Variants in DOCK5 observed in about 807,000 individuals in gnomAD.
The protein encoded by DOCK5 is dedicator of cytokinesis 5, also known as dedicator of cytokinesis protein 5.
DOCK5 carries 142 observed loss-of-function variants against 251.8 expected under a neutral mutation model. The observed-to-expected ratio is 0.56, with a 90% CI of 0.49 to 0.65. DOCK5 has a LOEUF of 0.65. Among genes scored for constraint, DOCK5 ranks in the 30% least tolerant of loss-of-function variants. The probability of loss-of-function intolerance (pLI) is 0.00; values close to 1 mark genes in which losing one functional copy is unlikely to be tolerated. For synonymous variants in DOCK5, 842 were observed against 835.5 expected, an observed-to-expected ratio of 1.01 and a Z score of -0.13; for missense variants, 2,111 against 2,312.3, an observed-to-expected ratio of 0.91 and a Z score of 1.79.
intron 27 of DOCK5, among the ~76,000 whole-genome samples, chr8:25,354,020 T>A (rs962110334): frequency 1.8e-5 from 2 of 109,490 alleles, no homozygotes; most frequent in Non-Finnish European, 3.4e-5. Flanking sequence ...AGAGTGAGAC[T>A]TTGTCTTAAA....
At chr8:25,355,969 G>C (rs1159473963) in intron 27 of DOCK5, among the ~76,000 whole-genome samples, 2 of 149,952 alleles carry the variant, frequency 1.3e-5, no homozygotes, top group Non-Finnish European at 1.5e-5. Context: ...GAGGCGGGCA[G>C]ATCATGAGGT....
rs1802124637 is a variant in DOCK5 at position 25,211,869 on chromosome 8, A to G, written c.43+26918A>G. Among the ~76,000 whole-genome samples the G allele has an allele frequency of 3.0e-5, 2 of 67,350 alleles. 1 individual carries two copies. Among genetic ancestry groups the G allele is most frequent in the African/African-American group, 6.7e-5 (2 of 29,748 alleles). The allele number at this position is 67,350 out of a possible 152,430, so 44.2% of individuals were successfully genotyped here. Reference sequence around the variant, plus strand: ...AGTTTATCATGCAGATTTTTTAGAAATACAGCTTCCGCCGGGCACGGTGGC... The same window carrying G: ...AGTTTATCATGCAGATTTTTTAGAAGTACAGCTTCCGCCGGGCACGGTGGC... On this transcript the variant is annotated intron_variant, in intron 1 of 51. Transcript: ENST00000276440.
At position 25,312,476 on chromosome 8, in the gene DOCK5, A is replaced by C. The variant is rs77027541; in HGVS notation, c.1318+1944A>C. 1.5e-3 allele frequency among the ~76,000 whole-genome samples: 234 copies of C among 152,232 alleles called. 6 individuals are homozygous for C. In the East Asian group the frequency reaches 0.033, roughly 21 times the overall value. Reference sequence around the variant, plus strand: ...TACATTGGTTTTAAAATTCATCTAGAATACGGCCAGGCCAGATGGCTCACA... The same window carrying C: ...TACATTGGTTTTAAAATTCATCTAGCATACGGCCAGGCCAGATGGCTCACA... On this transcript the variant is annotated intron_variant, in intron 13 of 51. Transcript: ENST00000276440.
intron 38 of DOCK5, among the ~76,000 whole-genome samples, chr8:25,379,989 A>G (rs1034100479): frequency 7.9e-5 from 12 of 152,212 alleles, no homozygotes; most frequent in African/African-American, 2.6e-4. Context: ...CTTCCTCTCT[A>G]CTTTGAAGTG....
chr8:25,245,533 G>A (rs528465136), intron 2 of DOCK5, among the ~76,000 whole-genome samples: 24 of 150,068 alleles, frequency 1.6e-4, no homozygotes, highest in Admixed American at 9.3e-4. Context: ...ATTATTGGGT[G>A]CAAAGTTCTT....
At chr8:25,300,183 G>C (rs1804726507) in intron 8 of DOCK5, among the ~76,000 whole-genome samples, 1 of 152,248 alleles carries the variant, frequency 6.6e-6, no homozygotes, top group Non-Finnish European at 1.5e-5. Flanking sequence ...TGGGATTACA[G>C]GCGTGAGCCA....
chr8:25,386,019 T>G (rs1255102174), intron 40 of DOCK5, among the ~76,000 whole-genome samples: 2 of 151,664 alleles, frequency 1.3e-5, no homozygotes, highest in African/African-American at 4.8e-5. Flanking sequence ...TACAAGAGGG[T>G]GTATAGGAGA....
intron 2 of DOCK5, among the ~76,000 whole-genome samples, chr8:25,267,977 C>G (rs1157953286): frequency 6.6e-6 from 1 of 152,020 alleles, no homozygotes; most frequent in Non-Finnish European, 1.5e-5. Context: ...ATTCTCCTGC[C>G]TCAGCCTCCT....
intron 1 of DOCK5, among the ~76,000 whole-genome samples, chr8:25,194,666 C>T (rs1357955653): frequency 1.3e-5 from 2 of 152,106 alleles, no homozygotes; most frequent in African/African-American, 4.8e-5. Context: ...GGGCGTCTCC[C>T]AGTGTTTTTC....
At chr8:25,255,187 G>A (rs940285306) in intron 2 of DOCK5, among the ~76,000 whole-genome samples, 5 of 152,178 alleles carry the variant, frequency 3.3e-5, no homozygotes, top group African/African-American at 1.2e-4. Context: ...ACACAATGCA[G>A]CAATTTCTGT....
rs1048007954 is a variant in DOCK5 at position 25,212,170 on chromosome 8, A to C, written c.43+27219A>C. Among the ~76,000 whole-genome samples, 10 of 69,942 alleles carry C rather than the reference A, an allele frequency of 1.4e-4. 3 individuals carry two copies. Among genetic ancestry groups the C allele is most frequent in the African/African-American group, 3.2e-4 (10 of 30,996 alleles). 45.9% of individuals were successfully genotyped at this position (69,942 alleles called of 152,430 possible). On this transcript the variant is annotated intron_variant, in intron 1 of 51. Transcript: ENST00000276440. ...AGCGAGACTCCGTCTCAAAAAAAAA[A>C]AAAAAAGACAGCTTCCATGTAAAGA...
chr8:25,283,144 G>C (rs1190517654), intron 5 of DOCK5, among the ~76,000 whole-genome samples: 1 of 152,160 alleles, frequency 6.6e-6, no homozygotes, highest in African/African-American at 2.4e-5. Flanking sequence ...TTAAAGGGGA[G>C]GGGAGTATGT....
intron 1 of DOCK5, among the ~76,000 whole-genome samples, chr8:25,218,114 G>A (rs1802295264): frequency 6.6e-6 from 1 of 152,208 alleles, no homozygotes; most frequent in African/African-American, 2.4e-5. Flanking sequence ...TGAACAAACA[G>A]AGCCTGGGAA....
chr8:25,245,145 C>T (rs1249671189), intron 2 of DOCK5, among the ~76,000 whole-genome samples: 2 of 152,038 alleles, frequency 1.3e-5, no homozygotes, highest in Admixed American at 1.3e-4. Context: ...CAAGCTCCAC[C>T]TTCCGGGTTC....
In DOCK5 at chr8:25,340,958, C is replaced by CA. The variant is rs1475155784; in HGVS notation, c.2410dup (p.Arg804LysfsTer19). The CA allele has an allele frequency of 3.1e-6, 5 of 1,613,028 alleles. No individual in the cohort carries two copies. The highest frequency in any genetic ancestry group is 4.2e-6 in the Non-Finnish European group (5 of 1,179,524). ...TTCTTGCTTTCAATATGCTGATGGA[C>CA]AGGCCTCTGGAGGAAGCCGTCAAGA... On this transcript the variant is annotated frameshift_variant, in exon 23 of 52. Coordinates refer to ENST00000276440, the MANE Select transcript of DOCK5 (RefSeq NM_024940.8). LOFTEE classifies it high-confidence loss of function.
intron 18 of DOCK5, 113 bp from the exon 19 acceptor site, chr8:25,332,138 T>C: frequency 1.6e-6 from 1 of 644,534 alleles, no homozygotes; most frequent in Non-Finnish European, 2.6e-6. Flanking sequence ...TAAGGCATCT[T>C]GAATTAGCCA....
chr8:25,397,119 G>C (rs1281969660), intron 45 of DOCK5, among the ~76,000 whole-genome samples: 1 of 152,022 alleles, frequency 6.6e-6, no homozygotes, highest in Non-Finnish European at 1.5e-5. Context: ...GTACTGGAGA[G>C]GCTGAGGCAT....
chr8:25,313,140 G>A lies in DOCK5; in HGVS notation c.1318+2608G>A, dbSNP rs532225756. ...CCTGGGCTCAGAACTCCTTCCTGTT[G>A]TCCCATCACCACGTGAACTCGTTCC... On this transcript the variant is annotated intron_variant, in intron 13 of 51. Transcript: ENST00000276440. 3.3e-5 allele frequency among the ~76,000 whole-genome samples: 5 copies of A among 152,232 alleles called. No individual in the cohort carries two copies. The South Asian group carries it at 1.0e-3, about 32-fold the overall frequency.
chr8:25,296,800 GTA>G (rs755981625), intron 7 of DOCK5, among the ~76,000 whole-genome samples, 152 bp downstream of exon 7: 14 of 149,252 alleles, frequency 9.4e-5, no homozygotes, highest in Admixed American at 1.3e-4. Flanking sequence ...GATGAGGCAG[GTA>G]TATATATATA....
Sources: gnomAD v4.1 joint callset for allele counts (sites outside exome capture counted in the v4.1 genomes callset) on GRCh38, gnomAD v4.1.1 for gene constraint, MANE v1.5 for transcripts, NCBI Gene and HGNC (gene_info 2026-07-23, HGNC 2026-07-21) for gene names.